DLC1: variants seen among roughly 807,000 people sequenced by gnomAD.
The protein encoded by DLC1 is DLC1 Rho GTPase activating protein.
A neutral mutation model predicts 140.3 loss-of-function variants in DLC1; 54 were observed. The ratio of observed to expected loss-of-function variants is 0.38; its 90% CI spans 0.31 to 0.48. The LOEUF (loss-of-function observed/expected upper bound fraction) is 0.48. Ranked by LOEUF, DLC1 falls within the 20% of genes least tolerant of loss-of-function variation. The probability of loss-of-function intolerance (pLI) is 0.96; values close to 1 mark genes in which losing one functional copy is unlikely to be tolerated. For synonymous variants in DLC1, 986 were observed against 728.1 expected (o/e 1.35, Z -5.70); for missense variants, 2,536 against 1,907.0 (o/e 1.33, Z -6.14).
At chr8:13,414,637 T>A (rs1837960405) in intron 2 of DLC1, among the ~76,000 whole-genome samples, 1 of 152,188 alleles carries the variant, frequency 6.6e-6, no homozygotes. Flanking sequence ...AATGGGACTC[T>A]ATATGGAAAA....
chr8:13,276,189 T>G (rs1586056002), intron 5 of DLC1: 1 of 1,516,890 alleles, frequency 6.6e-7, no homozygotes, highest in Non-Finnish European at 8.8e-7. Context: ...AGCTTATCAC[T>G]GCGTCTTCGC....
chr8:13,097,711 T>C (rs917519106), intron 10 of DLC1, among the ~76,000 whole-genome samples: 2 of 152,182 alleles, frequency 1.3e-5, no homozygotes, highest in African/African-American at 4.8e-5. Flanking sequence ...CATTTACTTA[T>C]AGTGGATTAT....
intron 2 of DLC1, among the ~76,000 whole-genome samples, chr8:13,471,720 G>A (rs1386914511): frequency 6.6e-6 from 1 of 151,776 alleles, no homozygotes; most frequent in Non-Finnish European, 1.5e-5. Context: ...AGAGAGAAAG[G>A]GCAGGATGAA....
chr8:13,364,208 C>T (rs1485222097), intron 4 of DLC1, among the ~76,000 whole-genome samples: 1 of 152,154 alleles, frequency 6.6e-6, no homozygotes, highest in East Asian at 1.9e-4. Context: ...GAATGTCAGC[C>T]CATCACCTTC....
In DLC1 at chr8:13,555,412, C is replaced by T. The variant is rs113353615; in HGVS notation, c.-126+49125G>A. 3.5e-4 allele frequency among the ~76,000 whole-genome samples: 53 copies of T among 152,116 alleles called. 1 individual carries two copies. Among genetic ancestry groups the T allele is most frequent in the African/African-American group, 1.0e-3 (42 of 41,490 alleles). ...CATAGCAACTTCAGGATAATGGACA[C>T]GTTTGTGGAGGAACAGAGTGAAATT... On this transcript the variant is annotated intron_variant, in intron 1 of 1. Transcript: ENST00000631382.
rs2306484 is a variant in DLC1 at position 13,401,418 on chromosome 8, G to T, written c.1173+52C>A. 1.9e-3 allele frequency: 3,060 copies of T among 1,598,134 alleles called. 5 individuals are homozygous for T. The highest frequency in any genetic ancestry group is 2.7e-3 in the Admixed American group (160 of 58,892). ...TGCCTTTGCAAGAGGGACTGTATAAGGTCAAGAGTTACGACTCCTATGGGA... is the reference window on the plus strand; with the variant it reads ...TGCCTTTGCAAGAGGGACTGTATAATGTCAAGAGTTACGACTCCTATGGGA... On this transcript the variant is annotated intron_variant, in intron 3 of 17. Coordinates refer to ENST00000276297, the MANE Select transcript of DLC1 (RefSeq NM_182643.3).
intron 4 of DLC1, among the ~76,000 whole-genome samples, chr8:13,318,264 C>T (rs1461968269): frequency 6.6e-6 from 1 of 151,670 alleles, no homozygotes; most frequent in South Asian, 2.1e-4. Flanking sequence ...AAACTGCTGG[C>T]CTCAAGTGAT....
chr8:13,561,319 T>C (rs1804235490), intron 1 of DLC1, among the ~76,000 whole-genome samples: 1 of 152,100 alleles, frequency 6.6e-6, no homozygotes, highest in African/African-American at 2.4e-5. Flanking sequence ...CTGGTGCAAC[T>C]GCAGCCACAC....
chr8:13,370,847 T>C (rs1174034556), intron 4 of DLC1, among the ~76,000 whole-genome samples: 1 of 152,134 alleles, frequency 6.6e-6, no homozygotes, highest in Admixed American at 6.5e-5. Flanking sequence ...CAAACCCTCA[T>C]TGGACTAGCT....
In DLC1 at chr8:13,453,388, A is replaced by ATATATATATATATATGTG. The variant is rs1491587164; in HGVS notation, c.1023+45660_1023+45661insCACATATATATATATATA. ...TACTAAAAGAATAAGATGGCCCAGG[A>ATATATATATATATATGTG]TATATATATATATGTGTATATATAT... On this transcript the variant is annotated intron_variant, in intron 2 of 17. Coordinates refer to ENST00000276297, the MANE Select transcript of DLC1 (RefSeq NM_182643.3). Among the ~76,000 whole-genome samples, 8 of 49,420 alleles carry ATATATATATATATATGTG rather than the reference A, an allele frequency of 1.6e-4. No homozygotes were observed. In the Admixed American group the frequency reaches 2.7e-3, roughly 17 times the overall value. 32.4% of individuals were successfully genotyped at this position (49,420 alleles called of 152,430 possible). A position where few individuals can be genotyped will look rare whatever the true frequency, so the allele number is the denominator to read the frequency against.
At chr8:13,184,287 T>A (rs1826216430) in intron 5 of DLC1, among the ~76,000 whole-genome samples, 1 of 152,106 alleles carries the variant, frequency 6.6e-6, no homozygotes, top group South Asian at 2.1e-4. Context: ...CATTGATTTT[T>A]TGAAGGGTTT....
chr8:13,582,065 G>A (rs1805120376), intron 1 of DLC1, among the ~76,000 whole-genome samples: 1 of 152,034 alleles, frequency 6.6e-6, no homozygotes, highest in Admixed American at 6.6e-5. Flanking sequence ...AAAAAACAAA[G>A]TCCACTCTCC....
chr8:13,288,705 G>T (rs1013524301), intron 5 of DLC1, among the ~76,000 whole-genome samples: 1 of 152,204 alleles, frequency 6.6e-6, no homozygotes, highest in Admixed American at 6.5e-5. Context: ...CTCAACAGGA[G>T]AGGCGGCCCC....
At chr8:13,123,285 G>GC (rs571622188) in intron 5 of DLC1, among the ~76,000 whole-genome samples, 164 of 152,036 alleles carry the variant, frequency 1.1e-3, no homozygotes, top group African/African-American at 3.8e-3. Flanking sequence ...GACTGATCCA[G>GC]CCACACCGGC....
rs567476016 is a variant in DLC1, at chr8:13,248,949, C to T, written c.1348+56320G>A. On this transcript the variant is annotated intron_variant, in intron 5 of 17. Coordinates refer to ENST00000276297, the MANE Select transcript of DLC1 (RefSeq NM_182643.3). The stretch of plus-strand genomic sequence containing the variant: ...ATCATTACCAATTGGAACTCCCAAA[C>T]CTCAGAGGGGCTATTTTACTCATTT... 2.6e-4 allele frequency among the ~76,000 whole-genome samples: 40 copies of T among 152,298 alleles called. 1 individual carries two copies. Among genetic ancestry groups the T allele is most frequent in the African/African-American group, 9.4e-4 (39 of 41,576 alleles).
In DLC1 at chr8:13,499,693, C is replaced by A. The variant is rs771296139; in HGVS notation, c.379G>T (p.Val127Phe). 1.2e-6 allele frequency: 2 copies of A among 1,614,020 alleles called. No homozygotes were observed. The highest frequency in any genetic ancestry group is 8.5e-7 in the Non-Finnish European group (1 of 1,180,022). Residue 127 changes from valine to phenylalanine, a missense_variant, in exon 2 of 18, where the codon GTT (valine) becomes TTT (phenylalanine). Val to Phe is a conservative substitution (Grantham distance 50, BLOSUM62 -1). Transcript: ENST00000276297. ...ADLCLTDDKQ[V>F]LNTQGQKTSG... ...GTTTTCTGCCCTTGGGTATTTAAAACCTGTTTATCATCTGTAAGGCATAAA... is the reference window on the plus strand; with the variant it reads ...GTTTTCTGCCCTTGGGTATTTAAAAACTGTTTATCATCTGTAAGGCATAAA...
At chr8:13,567,414 G>A in intron 1 of DLC1, 1 of 1,551,836 alleles carries the variant, frequency 6.4e-7, no homozygotes, top group Non-Finnish European at 8.7e-7. Flanking sequence ...ATTCTAAGAA[G>A]AAGACGAGCA....
intron 5 of DLC1, among the ~76,000 whole-genome samples, chr8:13,233,461 T>C (rs1317459474): frequency 6.6e-6 from 1 of 152,094 alleles, no homozygotes; most frequent in African/African-American, 2.4e-5. Flanking sequence ...CAATACATTT[T>C]AATATGTTTT....
chr8:13,596,013 C>T (rs1157142352), intron 1 of DLC1, among the ~76,000 whole-genome samples: 1 of 151,974 alleles, frequency 6.6e-6, no homozygotes, highest in East Asian at 1.9e-4. Flanking sequence ...ATACATATAT[C>T]TTCTACACTT....
Sources: allele counts gnomAD v4.1 joint callset (sites outside exome capture counted in the v4.1 genomes callset), GRCh38; gene constraint gnomAD v4.1.1; transcripts MANE v1.5; gene names NCBI Gene and HGNC (gene_info 2026-07-23, HGNC 2026-07-21).